The following TBC1D9B variants were observed in gnomAD, a reference collection of about 807,000 sequenced individuals.
TBC1D9B encodes TBC1 domain family, member 9B (with GRAM domain).
Under a neutral mutation model 121.1 loss-of-function variants are expected in TBC1D9B, and 87 were observed. That is an observed-to-expected ratio of 0.72 (90% CI 0.60 to 0.86). The LOEUF is 0.86. TBC1D9B is among the 40% of genes least tolerant of loss of function. The probability of loss-of-function intolerance (pLI) is 0.00; values close to 1 mark genes in which losing one functional copy is unlikely to be tolerated. For synonymous variants in TBC1D9B, 668 were observed against 670.1 expected, an observed-to-expected ratio of 1.00 and a Z score of 0.05; for missense variants, 1,540 against 1,628.6, an observed-to-expected ratio of 0.95 and a Z score of 0.94.
In TBC1D9B at chr5:179,885,421, C is replaced by T. The variant is rs1760649025; in HGVS notation, c.1254+2682G>A. On this transcript the variant is annotated intron_variant, in intron 7 of 20. Transcript: ENST00000355235. This position sits in a 1 kb window ranked among gnomAD's most constrained non-coding sequence, Gnocchi z 4.5. ...ACTGGCCAACATGGCAAAAACCCGT[C>T]TCTACTAAAAATACAAAATAAGCCG... Among the ~76,000 whole-genome samples the T allele has an allele frequency of 6.6e-6, 1 of 152,068 alleles. No individual in the cohort carries two copies. The highest frequency in any genetic ancestry group is 2.4e-5 in the African/African-American group (1 of 41,394).
chr5:179,879,853 CCCAT>C, intron 7 of TBC1D9B, 64 bp from the exon 8 acceptor site: 1 of 1,507,184 alleles, frequency 6.6e-7, no homozygotes. Context: ...CTCTGATGCG[CCCAT>C]CCATCCAGAG....
intron 10 of TBC1D9B, among the ~76,000 whole-genome samples, chr5:179,877,072 A>G (rs1760380971): frequency 7.9e-6 from 1 of 126,092 alleles, no homozygotes; most frequent in Non-Finnish European, 1.6e-5. Context: ...TCCTGTCTCA[A>G]AAAAAAAAAA....
At chr5:179,867,658 C>T (rs753156460) in intron 18 of TBC1D9B, 120 bp downstream of exon 18, 1 of 1,520,596 alleles carries the variant, frequency 6.6e-7, no homozygotes, top group Non-Finnish European at 9.0e-7. Context: ...GGGGAGAACC[C>T]CATGCGGCCT....
At position 179,893,454 on chromosome 5, in the gene TBC1D9B, C is replaced by A. The variant is rs138049559; in HGVS notation, c.591G>T (p.Val197=). 2.9e-5 allele frequency: 46 copies of A among 1,603,424 alleles called. No homozygotes were observed. The African/African-American group carries it at 5.3e-4, about 19-fold the overall frequency. The change falls in exon 5 of 21, where the codon GTG becomes GTT. Residue 197 remains valine, a synonymous_variant. Transcript: ENST00000355235. Reference sequence around the variant, plus strand: ...CCAGACGCGTTATGTCCACCCACTGCACCACGAGGCTCACTGTGCCCACAG... The same window carrying A: ...CCAGACGCGTTATGTCCACCCACTGAACCACGAGGCTCACTGTGCCCACAG... ...FLLGKEVSLV[V]QWVDITRLEK...
At chr5:179,879,597 G>T (rs376659618) in intron 8 of TBC1D9B, 31 bp downstream of exon 8, 3 of 1,613,370 alleles carry the variant, frequency 1.9e-6, no homozygotes, top group Non-Finnish European at 1.7e-6. Context: ...CGCTCTTGAC[G>T]GAGGCTGGAG....
In TBC1D9B at chr5:179,872,881, G is replaced by A. The variant is rs201472048; in HGVS notation, c.2415+11C>T. On this transcript the variant is annotated intron_variant, in intron 14 of 20. Coordinates refer to ENST00000355235, the MANE Select transcript of TBC1D9B (RefSeq NM_015043.4). The stretch of plus-strand genomic sequence containing the variant: ...AGCCCAGCCCCTGCCCAGCCCTGCT[G>A]GCACCCATACCACACTCCTCTTGGC... 63 of 1,607,532 alleles carry A rather than the reference G, an allele frequency of 3.9e-5. No homozygotes were observed. The highest frequency in any genetic ancestry group is 5.3e-5 in the Non-Finnish European group (62 of 1,176,360).
At position 179,894,380 on chromosome 5, in the gene TBC1D9B, G is replaced by A. The variant is rs1476117689; in HGVS notation, c.577+6C>T. The A allele has an allele frequency of 1.2e-6, 2 of 1,607,702 alleles. No individual in the cohort carries two copies. Among genetic ancestry groups the A allele is most frequent in the Non-Finnish European group, 1.7e-6 (2 of 1,177,358 alleles). ...GGGGCTGGGGCACACTGAGGGGCGG[G>A]CTCACCTTCCTTCCCCAGCAGGAAG... On this transcript the variant is annotated splice_donor_region_variant and intron_variant, in intron 4 of 20. Transcript: ENST00000355235.
At chr5:179,901,565 G>A (rs746080364) in intron 2 of TBC1D9B, among the ~76,000 whole-genome samples, 6 of 152,208 alleles carry the variant, frequency 3.9e-5, no homozygotes, top group East Asian at 1.9e-4. Context: ...CAGGGGAATC[G>A]CTTGAGCCCA....
Position 179,875,294 on chromosome 5 carries a change from G to T in TBC1D9B, c.1901-107C>A. 7.2e-7 allele frequency: 1 copy of T among 1,392,024 alleles called. No individual in the cohort carries two copies. Among genetic ancestry groups the T allele is most frequent in the Non-Finnish European group, 9.6e-7 (1 of 1,041,618 alleles). The allele number at this position is 1,392,024 out of a possible 1,614,324, so 86.2% of individuals were successfully genotyped here. A position where few individuals can be genotyped will look rare whatever the true frequency, so the allele number is the denominator to read the frequency against. ...CCACTCCAGCCCTGCCAGCTGTGCA[G>T]TGAGGGCTGAGGGAGACTTGGAGTG... On this transcript the variant is annotated intron_variant, in intron 11 of 20. Coordinates refer to ENST00000355235, the MANE Select transcript of TBC1D9B (RefSeq NM_015043.4). The surrounding 1 kb of genome is among the most constrained non-coding windows in gnomAD (Gnocchi z 4.5).
At chr5:179,864,569 GCTGGGGAGGGGGATC>G (rs997272550) in intron 20 of TBC1D9B, among the ~76,000 whole-genome samples, 3 of 151,418 alleles carry the variant, frequency 2.0e-5, no homozygotes, top group African/African-American at 7.3e-5. Context: ...GCCTGGGTCA[GCTGGGGAGGGGGATC>G]CTGGGGAGGG....
intron 14 of TBC1D9B, 39 bp downstream of exon 14, chr5:179,872,853 C>A (rs1760243107): frequency 2.0e-6 from 3 of 1,527,038 alleles, no homozygotes; most frequent in Non-Finnish European, 2.7e-6. Context: ...CTGCTGCCCC[C>A]CCAGCCCAGC....
chr5:179,903,185 G>A lies in TBC1D9B; in HGVS notation c.229+1517C>T, dbSNP rs146179207. 3.6e-3 allele frequency among the ~76,000 whole-genome samples: 549 copies of A among 152,332 alleles called. 2 individuals carry two copies. The highest frequency in any genetic ancestry group is 0.012 in the African/African-American group (504 of 41,576). ...AGGTACTGAGAGGGTCCAAACTGCA[G>A]CTGTGTGACTCTGAGCAGGTTACTC... On this transcript the variant is annotated intron_variant, in intron 2 of 20. Coordinates refer to ENST00000355235, the MANE Select transcript of TBC1D9B (RefSeq NM_015043.4).
chr5:179,875,900 C>A lies in TBC1D9B; in HGVS notation c.1900+20G>T. 1 of 1,575,880 alleles carries A rather than the reference C, an allele frequency of 6.3e-7. No individual in the cohort carries two copies. The highest frequency in any genetic ancestry group is 8.6e-7 in the Non-Finnish European group (1 of 1,160,146). On this transcript the variant is annotated intron_variant, in intron 11 of 20. Transcript: ENST00000355235. This position sits in a 1 kb window ranked among gnomAD's most constrained non-coding sequence, Gnocchi z 4.5. The stretch of plus-strand genomic sequence containing the variant: ...CAGGCACCTGGAGACCCAGGCGAGG[C>A]AGCACCCGGGGACACTCACCCACCA...
Position 179,863,041 on chromosome 5 carries a change from A to AC in TBC1D9B, c.*406dup, listed in dbSNP as rs1465607067. ...AACCTGGTGCCAAGAGGCAGGAATGACCCCCATACCACATAGCTGCAGGAA... is the reference window on the plus strand; with the variant it reads ...AACCTGGTGCCAAGAGGCAGGAATGACCCCCCATACCACATAGCTGCAGGAA... On this transcript the variant is annotated 3_prime_UTR_variant, in exon 21 of 21. Coordinates refer to ENST00000355235, the MANE Select transcript of TBC1D9B (RefSeq NM_015043.4). This position sits in a 1 kb window ranked among gnomAD's most constrained non-coding sequence, Gnocchi z 4.5. 8.0e-6 allele frequency: 2 copies of AC among 250,962 alleles called. No individual in the cohort carries two copies. Among genetic ancestry groups the AC allele is most frequent in the Admixed American group, 9.5e-5 (2 of 21,022 alleles). The allele number at this position is 250,962 out of a possible 1,614,324, so 15.5% of individuals were successfully genotyped here.
intron 6 of TBC1D9B, among the ~76,000 whole-genome samples, chr5:179,889,656 G>C (rs1477198684): frequency 6.6e-6 from 1 of 151,980 alleles, no homozygotes; most frequent in Non-Finnish European, 1.5e-5. Context: ...AGGATCACTT[G>C]AATCCTGAAG....
chr5:179,887,744 C>T lies in TBC1D9B; in HGVS notation c.1254+359G>A, dbSNP rs1760731465. 9.8e-6 allele frequency: 3 copies of T among 304,860 alleles called. No homozygotes were observed. The South Asian group carries it at 1.1e-4, about 12-fold the overall frequency. The allele number at this position is 304,860 out of a possible 1,614,324, so 18.9% of individuals were successfully genotyped here. ...GCAGTTCTACCGTCAAGAACTTCAGCCTGAACGCCTGGCAGGGAAGGTCAT... is the reference window on the plus strand; with the variant it reads ...GCAGTTCTACCGTCAAGAACTTCAGTCTGAACGCCTGGCAGGGAAGGTCAT... On this transcript the variant is annotated intron_variant, in intron 7 of 20. Transcript: ENST00000355235.
chr5:179,904,514 C>T lies in TBC1D9B; in HGVS notation c.229+188G>A, dbSNP rs963242718. Among the ~76,000 whole-genome samples, 3 of 152,148 alleles carry T rather than the reference C, an allele frequency of 2.0e-5. No individual in the cohort carries two copies. Among genetic ancestry groups the T allele is most frequent in the African/African-American group, 4.8e-5 (2 of 41,436 alleles). On this transcript the variant is annotated intron_variant, in intron 2 of 20. Coordinates refer to ENST00000355235, the MANE Select transcript of TBC1D9B (RefSeq NM_015043.4). The surrounding 1 kb of genome is among the most constrained non-coding windows in gnomAD (Gnocchi z 4.2). The stretch of plus-strand genomic sequence containing the variant: ...TGCTGGGATTACAGACGTGAGCCAC[C>T]GCACCGGGCCACGGAGCTGCCTTTC...
At position 179,864,108 on chromosome 5, in the gene TBC1D9B, G is replaced by A; in HGVS notation, c.3042C>T (p.Cys1014=). ...KMNQEQFIEL[C]KTLYNMFSED... ...CACTGAACATGTTGTAAAGCGTCTT[G>A]CACAGCTCAATGAACTGCTCCTTTT... Residue 1014 remains cysteine (C), a synonymous_variant, in exon 21 of 21, where the codon TGC becomes TGT. Coordinates refer to ENST00000355235, the MANE Select transcript of TBC1D9B (RefSeq NM_015043.4). 6.2e-7 allele frequency: 1 copy of A among 1,608,506 alleles called. No individual in the cohort carries two copies. The highest frequency in any genetic ancestry group is 1.1e-5 in the South Asian group (1 of 90,820).
chr5:179,869,900 G>A lies in TBC1D9B; in HGVS notation c.2726-66C>T, dbSNP rs373373174. ...CTGCAGAGCCCCTTCCAGGGGGTCC[G>A]AGTAGGACCCTCTTCACAGCCTGTG... On this transcript the variant is annotated intron_variant, in intron 16 of 20. Coordinates refer to ENST00000355235, the MANE Select transcript of TBC1D9B (RefSeq NM_015043.4). 6.7e-5 allele frequency: 95 copies of A among 1,421,960 alleles called. No individual in the cohort carries two copies. In the Middle Eastern group the frequency reaches 7.0e-4, roughly 10 times the overall value. 88.1% of individuals were successfully genotyped at this position (1,421,960 alleles called of 1,614,324 possible).
Sources: allele counts gnomAD v4.1 joint callset (sites outside exome capture counted in the v4.1 genomes callset), GRCh38; gene constraint gnomAD v4.1.1; non-coding constraint Gnocchi (gnomAD v3.1); transcripts MANE v1.5; gene names NCBI Gene and HGNC (gene_info 2026-07-23, HGNC 2026-07-21).